Variants in PCDHGA8 observed in about 807,000 individuals in gnomAD.
PCDHGA8 encodes the protein protocadherin gamma-A8.
PCDHGA8 carries 45 observed loss-of-function variants against 59.2 expected under a neutral mutation model. The observed-to-expected ratio is 0.76, with a 90% CI of 0.60 to 0.98. The LOEUF (loss-of-function observed/expected upper bound fraction) is 0.98, where lower values mean the gene tolerates loss of function less well. Ranked by LOEUF, PCDHGA8 falls within the 50% of genes least tolerant of loss-of-function variation. The pLI is 0.00. For synonymous variants in PCDHGA8, 531 were observed against 519.0 expected (o/e 1.02, Z -0.32); for missense variants, 1,257 against 1,196.2 (o/e 1.05, Z -0.75).
chr5:141,490,896 G>C lies in PCDHGA8; in HGVS notation c.2425-3911G>C. The stretch of plus-strand genomic sequence containing the variant: ...TGCATGCCAACACATCTCTGCATGT[G>C]TTTGTCCTAGACGAGAATGATAATG... On this transcript the variant is annotated intron_variant, in intron 1 of 3. Coordinates refer to ENST00000398604, the MANE Select transcript of PCDHGA8 (RefSeq NM_032088.2). This position sits in a 1 kb window ranked among gnomAD's most constrained non-coding sequence, Gnocchi z 5.4. 2.5e-6 allele frequency: 4 copies of C among 1,613,938 alleles called. No homozygotes were observed. The highest frequency in any genetic ancestry group is 3.4e-6 in the Non-Finnish European group (4 of 1,179,922).
rs2154591305 is a variant in PCDHGA8, at chr5:141,493,879, G to A, written c.2425-928G>A. Among the ~76,000 whole-genome samples the A allele has an allele frequency of 6.6e-6, 1 of 152,288 alleles. No homozygotes were observed. The highest frequency in any genetic ancestry group is 6.5e-5 in the Admixed American group (1 of 15,302). ...CCCACCCCAGAACCAGTGAGGAGGT[G>A]GCTCTAGGAGTGCTCCATGAGAGTG... On this transcript the variant is annotated intron_variant, in intron 1 of 3. Coordinates refer to ENST00000398604, the MANE Select transcript of PCDHGA8 (RefSeq NM_032088.2). This position sits in a 1 kb window ranked among gnomAD's most constrained non-coding sequence, Gnocchi z 4.3.
rs543908773 is a variant in PCDHGA8, at chr5:141,400,145, A to G, written c.2424+4908A>G. ...CAGGAGGTGCTGCCGGATATCACTG[A>G]CCGCCCTGTACCCTCTGACCCCCAG... On this transcript the variant is annotated intron_variant, in intron 1 of 3. Coordinates refer to ENST00000398604, the MANE Select transcript of PCDHGA8 (RefSeq NM_032088.2). The G allele has an allele frequency of 4.1e-5, 66 of 1,613,312 alleles. No individual in the cohort carries two copies. The South Asian group carries it at 5.4e-4, about 13-fold the overall frequency.
chr5:141,404,656 C>A, intron 1 of PCDHGA8: 1 of 1,614,176 alleles, frequency 6.2e-7, no homozygotes, highest in Non-Finnish European at 8.5e-7. Context: ...CTGCCCTCCC[C>A]ACTGATGGTT....
chr5:141,500,499 G>T lies in PCDHGA8; in HGVS notation c.2484-4894G>T, dbSNP rs531501031. On this transcript the variant is annotated intron_variant, in intron 2 of 3. Transcript: ENST00000398604. ...GCTGGGATTACAGGCGTGAGCCACC[G>T]CGCCTGGCCGAGCTTCATTTTAAAA... Among the ~76,000 whole-genome samples, 24 of 152,088 alleles carry T rather than the reference G, an allele frequency of 1.6e-4. 1 individual carries two copies. In the Middle Eastern group the frequency reaches 0.01, roughly 65 times the overall value.
At chr5:141,415,828 G>A (rs1178303711) in intron 1 of PCDHGA8, 4 of 1,293,274 alleles carry the variant, frequency 3.1e-6, no homozygotes, top group Non-Finnish European at 3.0e-6. Flanking sequence ...ATAAGGCTTT[G>A]TTATGATTAG....
chr5:141,415,387 G>A (rs1347191224), intron 1 of PCDHGA8: 2 of 1,614,168 alleles, frequency 1.2e-6, no homozygotes. Context: ...CGGCTTGACA[G>A]GTGTGTCCGG....
chr5:141,463,041 G>C (rs1383781857), intron 1 of PCDHGA8, among the ~76,000 whole-genome samples: 1 of 152,114 alleles, frequency 6.6e-6, no homozygotes, highest in African/African-American at 2.4e-5. Flanking sequence ...TGAGTGTTCA[G>C]CAGGGTCTCT....
At position 141,419,393 on chromosome 5, in the gene PCDHGA8, G is replaced by A. The variant is rs1226844501; in HGVS notation, c.2424+24156G>A. On this transcript the variant is annotated intron_variant, in intron 1 of 3. Transcript: ENST00000398604. The stretch of plus-strand genomic sequence containing the variant: ...CTACGTGTCCGTGAGCGCGCAGAGC[G>A]GGGTGGTGTTCGCGCAGCGCGCCTT... 6.2e-7 allele frequency: 1 copy of A among 1,613,502 alleles called. No homozygotes were observed. Among genetic ancestry groups the A allele is most frequent in the Non-Finnish European group, 8.5e-7 (1 of 1,179,920 alleles).
intron 1 of PCDHGA8, chr5:141,399,309 CA>C: frequency 6.2e-7 from 1 of 1,613,902 alleles, no homozygotes; most frequent in Non-Finnish European, 8.5e-7. Flanking sequence ...TCTCTTCATC[CA>C]AAAATTCGTA....
chr5:141,392,659 A>G lies in PCDHGA8; in HGVS notation c.-155A>G. On this transcript the variant is annotated 5_prime_UTR_variant, in exon 1 of 4. Coordinates refer to ENST00000398604, the MANE Select transcript of PCDHGA8 (RefSeq NM_032088.2). ...CACCTCACGAAGACCCGCAGATGCCACAAACTAACTGCTGGACTGCAGCGA... is the reference window on the plus strand; with the variant it reads ...CACCTCACGAAGACCCGCAGATGCCGCAAACTAACTGCTGGACTGCAGCGA... 1 of 788,300 alleles carries G rather than the reference A, an allele frequency of 1.3e-6. No homozygotes were observed. The highest frequency in any genetic ancestry group is 1.9e-6 in the Non-Finnish European group (1 of 523,138). The allele number at this position is 788,300 out of a possible 1,614,324, so 48.8% of individuals were successfully genotyped here.
chr5:141,393,578 G>T lies in PCDHGA8; in HGVS notation c.765G>T (p.Met255Ile). The part of the protein sequence containing the change: ...PIYRVKVLEN[M>I]PPGTRLLTVT... Reference sequence around the variant, plus strand: ...ACCGAGTGAAAGTCCTTGAGAACATGCCCCCAGGCACGCGGCTGCTTACTG... The same window carrying T: ...ACCGAGTGAAAGTCCTTGAGAACATTCCCCCAGGCACGCGGCTGCTTACTG... Residue 255 changes from methionine to isoleucine, a missense_variant, in exon 1 of 4, where the codon ATG becomes ATT. Coordinates refer to ENST00000398604, the MANE Select transcript of PCDHGA8 (RefSeq NM_032088.2). 1 of 1,613,930 alleles carries T rather than the reference G, an allele frequency of 6.2e-7. No individual in the cohort carries two copies. Among genetic ancestry groups the T allele is most frequent in the Non-Finnish European group, 8.5e-7 (1 of 1,179,902 alleles).
chr5:141,451,806 A>G (rs145650418), intron 1 of PCDHGA8, among the ~76,000 whole-genome samples: 6,855 of 150,824 alleles, frequency 0.045, 259 homozygotes, highest in African/African-American at 0.1. Context: ...GCTTGAACCC[A>G]GGAGGCGGAG....
At chr5:141,410,576 C>A (rs533810160) in intron 1 of PCDHGA8, 1 of 1,611,270 alleles carries the variant, frequency 6.2e-7, no homozygotes, top group African/African-American at 1.3e-5. Flanking sequence ...AATTCCACCT[C>A]ATGGTGGGGA....
intron 1 of PCDHGA8, chr5:141,415,748 T>TTG (rs2095929710): frequency 9.9e-7 from 1 of 1,008,886 alleles, no homozygotes; most frequent in South Asian, 2.7e-5. Context: ...AGGTTTTTTT[T>TTG]TTTTTTTTTT....
rs1033888717 is a variant in PCDHGA8 at position 141,512,540 on chromosome 5, T to C, written c.*1367T>C. 6.5e-6 allele frequency: 1 copy of C among 152,886 alleles called. No homozygotes were observed. Among genetic ancestry groups the C allele is most frequent in the African/African-American group, 2.4e-5 (1 of 41,476 alleles). 9.5% of individuals were successfully genotyped at this position (152,886 alleles called of 1,614,324 possible). ...CCATAGCCTGGTTAAAGTTCCCCAGTGCCTCCTTGTGCATAGACCTTCTTC... is the reference window on the plus strand; with the variant it reads ...CCATAGCCTGGTTAAAGTTCCCCAGCGCCTCCTTGTGCATAGACCTTCTTC... On this transcript the variant is annotated 3_prime_UTR_variant, in exon 4 of 4. Transcript: ENST00000398604.
In PCDHGA8 at chr5:141,489,242, TG is replaced by T; in HGVS notation, c.2425-5561del. 6.5e-7 allele frequency: 1 copy of T among 1,534,498 alleles called. No homozygotes were observed. The highest frequency in any genetic ancestry group is 2.3e-5 in the East Asian group (1 of 44,312). On this transcript the variant is annotated intron_variant, in intron 1 of 3. Transcript: ENST00000398604. The surrounding 1 kb of genome is among the most constrained non-coding windows in gnomAD (Gnocchi z 4.5). ...TCTCCACAAAGGGACTTCTGGGTCA[TG>T]GGGCCCAAGACACTCCCACAGCTCG...
intron 1 of PCDHGA8, among the ~76,000 whole-genome samples, chr5:141,464,625 T>C (rs1477206347): frequency 6.6e-6 from 1 of 152,190 alleles, no homozygotes; most frequent in East Asian, 1.9e-4. Context: ...TGTCAAGCTT[T>C]TTAATTGTTG....
chr5:141,487,675 A>G lies in PCDHGA8; in HGVS notation c.2425-7132A>G, dbSNP rs752606441. ...GTTATTCTGATCCAGGCATATGGCT[A>G]GGCCATGTCCTAGAGAGTACTGGCC... On this transcript the variant is annotated intron_variant, in intron 1 of 3. Transcript: ENST00000398604. This position sits in a 1 kb window ranked among gnomAD's most constrained non-coding sequence, Gnocchi z 5.0. 22 of 1,611,038 alleles carry G rather than the reference A, an allele frequency of 1.4e-5. No individual in the cohort carries two copies. Among genetic ancestry groups the G allele is most frequent in the Non-Finnish European group, 1.7e-5 (20 of 1,178,458 alleles).
At chr5:141,443,312 C>T (rs1296976995) in intron 1 of PCDHGA8, among the ~76,000 whole-genome samples, 2 of 115,698 alleles carry the variant, frequency 1.7e-5, no homozygotes, top group Non-Finnish European at 3.3e-5. Flanking sequence ...AAAAACCCAT[C>T]TCTACAAAAA....
Sources: gnomAD v4.1 joint callset for allele counts (sites outside exome capture counted in the v4.1 genomes callset) on GRCh38, gnomAD v4.1.1 for gene constraint, Gnocchi (gnomAD v3.1) non-coding constraint, MANE v1.5 for transcripts, NCBI Gene and HGNC (gene_info 2026-07-23, HGNC 2026-07-21) for gene names.